The following DSCAM variants were observed in gnomAD, a reference collection of about 807,000 sequenced individuals.
DSCAM encodes DS cell adhesion molecule, also known as cell adhesion molecule DSCAM.
DSCAM carries 47 observed loss-of-function variants against 217.7 expected under a neutral mutation model. The ratio of observed to expected loss-of-function variants is 0.22; its 90% CI spans 0.17 to 0.28. The LOEUF (loss-of-function observed/expected upper bound fraction) is 0.28, where lower values mean the gene tolerates loss of function less well. DSCAM is among the 10% of genes least tolerant of loss of function. The pLI is 1.00. For missense variants in DSCAM, 2,080 were observed against 2,618.3 expected, an observed-to-expected ratio of 0.79 and a Z score of 4.49; for synonymous variants, 1,056 against 1,015.3, an observed-to-expected ratio of 1.04 and a Z score of -0.76.
At chr21:40,378,586 T>A in intron 3 of DSCAM, among the ~76,000 whole-genome samples, 1 of 22,828 alleles carries the variant, frequency 4.4e-5, no homozygotes, top group South Asian at 2.4e-3. Flanking sequence ...TTTTTTTTTT[T>A]TTTTTTTTTT....
At chr21:40,126,885 C>A (rs2090099628) in intron 19 of DSCAM, among the ~76,000 whole-genome samples, 1 of 152,186 alleles carries the variant, frequency 6.6e-6, no homozygotes, top group Non-Finnish European at 1.5e-5. Flanking sequence ...AAGAACACGG[C>A]ATTTTGGAAG....
chr21:40,216,431 T>C (rs2091244349), intron 11 of DSCAM, among the ~76,000 whole-genome samples: 2 of 152,242 alleles, frequency 1.3e-5, no homozygotes, highest in South Asian at 4.2e-4. Flanking sequence ...CATTTTTTTA[T>C]GAAATTTATA....
chr21:40,334,276 G>C (rs564412161), intron 8 of DSCAM, among the ~76,000 whole-genome samples: 44 of 152,110 alleles, frequency 2.9e-4, no homozygotes, highest in Non-Finnish European at 6.2e-4. Flanking sequence ...TCTTTGTTTA[G>C]TGTGTATTTC....
At chr21:40,459,071 GA>G (rs201196415) in intron 3 of DSCAM, among the ~76,000 whole-genome samples, 5 of 151,108 alleles carry the variant, frequency 3.3e-5, no homozygotes, top group African/African-American at 9.7e-5. Flanking sequence ...AAAAGAACTA[GA>G]AAAAAAATCA....
chr21:40,103,736 A>G (rs1415863157), intron 20 of DSCAM, among the ~76,000 whole-genome samples: 36 of 151,338 alleles, frequency 2.4e-4, no homozygotes, highest in Admixed American at 2.3e-3. Flanking sequence ...AACTATATAC[A>G]TAGACTATTG....
intron 14 of DSCAM, among the ~76,000 whole-genome samples, chr21:40,181,508 C>A (rs1210435048): frequency 6.6e-6 from 1 of 152,104 alleles, no homozygotes; most frequent in Non-Finnish European, 1.5e-5. Flanking sequence ...GTTTTTATTT[C>A]CTTAGTGAAA....
chr21:40,571,309 ATTC>A (rs1371142627), intron 3 of DSCAM, among the ~76,000 whole-genome samples: 2 of 152,300 alleles, frequency 1.3e-5, no homozygotes, highest in African/African-American at 2.4e-5. Context: ...CAATTCAAAT[ATTC>A]TTCTCATAAA....
intron 3 of DSCAM, among the ~76,000 whole-genome samples, chr21:40,597,700 G>A (rs1175324125): frequency 6.6e-6 from 1 of 151,866 alleles, no homozygotes; most frequent in Non-Finnish European, 1.5e-5. Flanking sequence ...TAGAGACAGG[G>A]TTTTGCCATG....
At chr21:40,106,750 A>G (rs1032571731) in intron 20 of DSCAM, among the ~76,000 whole-genome samples, 1 of 152,094 alleles carries the variant, frequency 6.6e-6, no homozygotes, top group Non-Finnish European at 1.5e-5. Context: ...TTTCTAGTTT[A>G]TGTGCATAGA....
At chr21:40,094,664 C>T (rs138665982) in intron 20 of DSCAM, among the ~76,000 whole-genome samples, 420 of 152,204 alleles carry the variant, frequency 2.8e-3, no homozygotes, top group Non-Finnish European at 4.8e-3. Flanking sequence ...CAAGATTCCT[C>T]GAGCATTGGG....
At chr21:40,217,380 T>C (rs1463593291) in intron 11 of DSCAM, among the ~76,000 whole-genome samples, 1 of 152,234 alleles carries the variant, frequency 6.6e-6, no homozygotes, top group African/African-American at 2.4e-5. Context: ...ATACTACATA[T>C]ATGTATACAT....
chr21:40,844,225 T>C (rs909811763), intron 1 of DSCAM, among the ~76,000 whole-genome samples: 1 of 152,178 alleles, frequency 6.6e-6, no homozygotes, highest in African/African-American at 2.4e-5. Context: ...CCAAACTGGA[T>C]TCTTATTTTA....
intron 11 of DSCAM, among the ~76,000 whole-genome samples, chr21:40,259,366 C>T (rs1320308143): frequency 6.6e-6 from 1 of 151,942 alleles, no homozygotes; most frequent in African/African-American, 2.4e-5. Flanking sequence ...TACCATCTCC[C>T]TGGAATGCAT....
chr21:40,357,012 A>G (rs1298467094), intron 4 of DSCAM, among the ~76,000 whole-genome samples: 2 of 152,206 alleles, frequency 1.3e-5, no homozygotes, highest in African/African-American at 2.4e-5. Context: ...TGACAGTGAT[A>G]TAATGAGGGA....
At chr21:40,666,360 G>A (rs942355074) in intron 3 of DSCAM, among the ~76,000 whole-genome samples, 1 of 152,144 alleles carries the variant, frequency 6.6e-6, no homozygotes, top group Non-Finnish European at 1.5e-5. Flanking sequence ...TCATTTTCCA[G>A]AGGAGAAAAC....
chr21:40,439,863 T>C (rs998511165), intron 3 of DSCAM, among the ~76,000 whole-genome samples: 1 of 152,052 alleles, frequency 6.6e-6, no homozygotes, highest in Non-Finnish European at 1.5e-5. Context: ...GGAAAAGACC[T>C]GCCCCCATAA....
Position 40,338,144 on chromosome 21 carries a change from T to C in DSCAM, c.1740A>G (p.Gln580=), listed in dbSNP as rs773078043. ...CGCTCTGGCTGGTGGAGAGTTGTGG[T>C]TGAACCAACACGTTGCACGTGTACT... ...EGEYTCNVLV[Q]PQLSTSQSVH... Residue 580 remains glutamine, a synonymous_variant, in exon 8 of 33, where the codon CAA becomes CAG. Coordinates refer to ENST00000400454, the MANE Select transcript of DSCAM (RefSeq NM_001389.5). 2.8e-5 allele frequency: 45 copies of C among 1,614,130 alleles called. No homozygotes were observed. Among genetic ancestry groups the C allele is most frequent in the African/African-American group, 4.0e-5 (3 of 74,952 alleles).
At chr21:40,104,115 C>T (rs1217801792) in intron 20 of DSCAM, among the ~76,000 whole-genome samples, 2 of 152,088 alleles carry the variant, frequency 1.3e-5, no homozygotes, top group African/African-American at 4.8e-5. Context: ...GATATAATCT[C>T]CCTTTGCTAC....
chr21:40,137,778 C>A (rs2090231306), intron 18 of DSCAM, among the ~76,000 whole-genome samples: 2 of 151,984 alleles, frequency 1.3e-5, no homozygotes, highest in Non-Finnish European at 2.9e-5. Context: ...GTATTTATAT[C>A]TTGCCTCATC....
Sources: gnomAD v4.1 joint callset for allele counts (sites outside exome capture counted in the v4.1 genomes callset) on GRCh38, gnomAD v4.1.1 for gene constraint, MANE v1.5 for transcripts, NCBI Gene and HGNC (gene_info 2026-07-23, HGNC 2026-07-21) for gene names.